DIP2B: variants seen among roughly 807,000 people sequenced by gnomAD.
DIP2B encodes the protein disco-interacting protein 2 homolog B.
Under a neutral mutation model 198.0 loss-of-function variants are expected in DIP2B, and 76 were observed. The ratio of observed to expected loss-of-function variants is 0.38; its 90% confidence interval spans 0.32 to 0.46. The LOEUF is 0.46. DIP2B is among the 20% of genes least tolerant of loss of function. The probability of loss-of-function intolerance (pLI) is 0.99; values close to 1 mark genes in which losing one functional copy is unlikely to be tolerated. For missense variants in DIP2B, 1,559 were observed against 1,978.4 expected, an observed-to-expected ratio of 0.79 and a Z score of 4.02; for synonymous variants, 701 against 739.1, an observed-to-expected ratio of 0.95 and a Z score of 0.84.
chr12:50,510,507 ATAC>A (rs1379530345), intron 1 of DIP2B, among the ~76,000 whole-genome samples: 1 of 152,182 alleles, frequency 6.6e-6, no homozygotes, highest in Non-Finnish European at 1.5e-5. Flanking sequence ...AAGGGCCTTC[ATAC>A]TATATTTGTA....
chr12:50,541,708 A>G (rs1958327546), intron 1 of DIP2B, among the ~76,000 whole-genome samples: 1 of 152,186 alleles, frequency 6.6e-6, no homozygotes. Flanking sequence ...AAACTAGAAA[A>G]TATCATAAAG....
intron 12 of DIP2B, among the ~76,000 whole-genome samples, chr12:50,689,890 C>T (rs934253306): frequency 2.6e-5 from 4 of 151,942 alleles, no homozygotes; most frequent in African/African-American, 9.7e-5. Context: ...AAGGAGAAAA[C>T]ATCAAGAAAG....
At chr12:50,689,693 C>CT (rs1195986541) in intron 12 of DIP2B, among the ~76,000 whole-genome samples, 3 of 152,254 alleles carry the variant, frequency 2.0e-5, no homozygotes, top group East Asian at 1.9e-4. Flanking sequence ...TTAGTTGACT[C>CT]TGTCAGTCTG....
At chr12:50,736,343 G>A (rs1270862595) in intron 34 of DIP2B, among the ~76,000 whole-genome samples, 3 of 152,164 alleles carry the variant, frequency 2.0e-5, no homozygotes, top group East Asian at 3.8e-4. Flanking sequence ...GGTTTTAGAT[G>A]TTTGCACCCA....
chr12:50,671,439 A>G (rs1938852761), intron 5 of DIP2B, 41 bp downstream of exon 5: 1 of 1,596,178 alleles, frequency 6.3e-7, no homozygotes, highest in South Asian at 1.1e-5. Context: ...ATTACATTCC[A>G]TTTGGCTCCC....
intron 37 of DIP2B, chr12:50,743,641 C>G (rs568947970): frequency 6.6e-6 from 1 of 152,146 alleles, no homozygotes; most frequent in East Asian, 1.9e-4. Context: ...ACTATTCGTT[C>G]TACTCTTTCC....
chr12:50,714,283 C>G (rs1332105872), intron 22 of DIP2B, 112 bp from the exon 23 acceptor site: 11 of 1,146,992 alleles, frequency 9.6e-6, no homozygotes, highest in Non-Finnish European at 1.0e-5. Context: ...GATTCTAGAT[C>G]TAGAATGGGT....
At chr12:50,536,337 A>G (rs1267216241) in intron 1 of DIP2B, among the ~76,000 whole-genome samples, 1 of 151,894 alleles carries the variant, frequency 6.6e-6, no homozygotes, top group East Asian at 1.9e-4. Context: ...GTGAGCCTGT[A>G]GTCCAAGCTA....
intron 1 of DIP2B, among the ~76,000 whole-genome samples, chr12:50,616,269 A>G (rs1003734853): frequency 2.0e-5 from 3 of 152,268 alleles, no homozygotes; most frequent in Admixed American, 2.0e-4. Flanking sequence ...GAGGATCTCT[A>G]CTGAGAATGG....
intron 1 of DIP2B, among the ~76,000 whole-genome samples, chr12:50,539,021 G>A (rs1958294747): frequency 6.6e-6 from 1 of 152,040 alleles, no homozygotes; most frequent in Non-Finnish European, 1.5e-5. Context: ...TTTTTAATAT[G>A]GGATGCATGC....
intron 1 of DIP2B, among the ~76,000 whole-genome samples, chr12:50,533,228 G>A (rs1051572941): frequency 6.6e-6 from 1 of 152,210 alleles, no homozygotes; most frequent in South Asian, 2.1e-4. Flanking sequence ...TCTGTTTTCA[G>A]TCTCATCAAA....
At chr12:50,726,690 A>G (rs1278584694) in intron 28 of DIP2B, among the ~76,000 whole-genome samples, 1 of 147,890 alleles carries the variant, frequency 6.8e-6, no homozygotes, top group Non-Finnish European at 1.5e-5. Flanking sequence ...TTAAAGAGAC[A>G]TGATCTTGAT....
intron 3 of DIP2B, among the ~76,000 whole-genome samples, chr12:50,641,740 G>T (rs561622760): frequency 6.6e-6 from 1 of 152,288 alleles, no homozygotes; most frequent in Admixed American, 6.5e-5. Flanking sequence ...CCAGGTGTGT[G>T]GCTTTGATAA....
intron 20 of DIP2B, 112 bp from the exon 21 acceptor site, chr12:50,706,426 G>A: frequency 1.6e-6 from 2 of 1,286,976 alleles, no homozygotes; most frequent in Middle Eastern, 2.0e-4. Flanking sequence ...AAATATGGCA[G>A]TTGTGTTTTT....
chr12:50,629,721 C>G (rs1938005093), intron 2 of DIP2B, among the ~76,000 whole-genome samples: 1 of 152,130 alleles, frequency 6.6e-6, no homozygotes, highest in Non-Finnish European at 1.5e-5. Flanking sequence ...GCCTCTACCA[C>G]CATTACTAAC....
At chr12:50,671,915 C>T (rs1399844963) in intron 5 of DIP2B, among the ~76,000 whole-genome samples, 1 of 152,200 alleles carries the variant, frequency 6.6e-6, no homozygotes, top group Admixed American at 6.5e-5. Context: ...GTACTCTGAG[C>T]TGCTATCGAT....
chr12:50,680,869 ACT>A (rs1939028745), intron 9 of DIP2B, 106 bp downstream of exon 9: 6 of 1,072,916 alleles, frequency 5.6e-6, no homozygotes, highest in Non-Finnish European at 8.3e-6. Flanking sequence ...AATTTATGTA[ACT>A]CTTATTTTTG....
At chr12:50,545,326 T>C (rs1459735114) in intron 1 of DIP2B, among the ~76,000 whole-genome samples, 1 of 150,048 alleles carries the variant, frequency 6.7e-6, no homozygotes, top group African/African-American at 2.5e-5. Context: ...CTTCCTCCCT[T>C]CATCCCTCCC....
intron 27 of DIP2B, among the ~76,000 whole-genome samples, chr12:50,724,144 G>T (rs1421222957): frequency 6.6e-6 from 1 of 152,182 alleles, no homozygotes; most frequent in African/African-American, 2.4e-5. Flanking sequence ...CACCATAGAT[G>T]ATTTTATTAC....
Sources: gnomAD v4.1 joint callset for allele counts (sites outside exome capture counted in the v4.1 genomes callset) on GRCh38, gnomAD v4.1.1 for gene constraint, MANE v1.5 for transcripts, NCBI Gene and HGNC (gene_info 2026-07-23, HGNC 2026-07-21) for gene names.